The following MOCOS variants were observed in gnomAD, a reference collection of about 807,000 sequenced individuals.
MOCOS encodes the protein human molybdenum cofactor sulfurase.
A neutral mutation model predicts 83.6 loss-of-function variants in MOCOS; 86 were observed. That is an observed-to-expected ratio of 1.03 (90% CI 0.86 to 1.23). The LOEUF (loss-of-function observed/expected upper bound fraction) is 1.23. Among genes scored for constraint, MOCOS ranks in the 50% most tolerant of loss-of-function variants. MOCOS has a pLI of 0.00. For synonymous variants in MOCOS, 445 were observed against 434.7 expected, an observed-to-expected ratio of 1.02 and a Z score of -0.29; for missense variants, 1,120 against 1,126.9, an observed-to-expected ratio of 0.99 and a Z score of 0.09.
At chr18:36,204,776 TG>T (rs1193579838) in intron 5 of MOCOS, among the ~76,000 whole-genome samples, 4 of 152,064 alleles carry the variant, frequency 2.6e-5, no homozygotes, top group Admixed American at 1.3e-4. Flanking sequence ...GTGGATTACT[TG>T]AGCCCAGGAG....
At chr18:36,193,073 A>G (rs1298046494) in intron 1 of MOCOS, among the ~76,000 whole-genome samples, 1 of 151,586 alleles carries the variant, frequency 6.6e-6, no homozygotes, top group Non-Finnish European at 1.5e-5. Context: ...GCACTTTGGG[A>G]GGCTGAGGCG....
At chr18:36,188,213 T>G (rs2091350021) in intron 1 of MOCOS, among the ~76,000 whole-genome samples, 1 of 152,220 alleles carries the variant, frequency 6.6e-6, no homozygotes, top group Non-Finnish European at 1.5e-5. Context: ...TAGCCTGTAT[T>G]CAGCTTTGAT....
At chr18:36,256,092 A>G (rs2091640511) in intron 11 of MOCOS, among the ~76,000 whole-genome samples, 1 of 152,014 alleles carries the variant, frequency 6.6e-6, no homozygotes. Flanking sequence ...GGGTTTCTCC[A>G]TGTTGGTCAG....
intron 1 of MOCOS, chr18:36,190,194 G>C (rs2091359520): frequency 6.6e-6 from 1 of 152,208 alleles, no homozygotes; most frequent in South Asian, 2.1e-4. Flanking sequence ...TGATGCCTGG[G>C]TGAACAAAAG....
At chr18:36,220,276 T>A in intron 9 of MOCOS, 59 bp downstream of exon 9, 1 of 1,594,958 alleles carries the variant, frequency 6.3e-7, no homozygotes, top group Non-Finnish European at 8.6e-7. Flanking sequence ...TATATTCATA[T>A]GAAATACTCT....
intron 9 of MOCOS, among the ~76,000 whole-genome samples, chr18:36,244,494 T>C (rs2091595855): frequency 6.6e-6 from 1 of 152,160 alleles, no homozygotes; most frequent in Non-Finnish European, 1.5e-5. Flanking sequence ...GGGTACTTGA[T>C]CTAATTTCAA....
In MOCOS at chr18:36,269,005, C is replaced by G. The variant is rs1008972356; in HGVS notation, c.*320C>G. ...AAGTTCACTGGGAAGATTGAACTTA[C>G]TGCGGGTCCCTATTTTGCCATTTTC... On this transcript the variant is annotated 3_prime_UTR_variant, in exon 15 of 15. Coordinates refer to ENST00000261326, the MANE Select transcript of MOCOS (RefSeq NM_017947.4). The G allele has an allele frequency of 1.2e-5, 4 of 330,152 alleles. No homozygotes were observed. Among genetic ancestry groups the G allele is most frequent in the Non-Finnish European group, 2.3e-5 (4 of 177,654 alleles). 20.5% of individuals were successfully genotyped at this position (330,152 alleles called of 1,614,324 possible). A position where few individuals can be genotyped will look rare whatever the true frequency, so the allele number is the denominator to read the frequency against.
At chr18:36,268,209 T>C (rs2032771215) in intron 14 of MOCOS, among the ~76,000 whole-genome samples, 1 of 152,152 alleles carries the variant, frequency 6.6e-6, no homozygotes. Context: ...GAAATGGGCC[T>C]GATGGTGGTC....
chr18:36,244,567 C>T (rs2091596067), intron 9 of MOCOS, among the ~76,000 whole-genome samples: 1 of 152,118 alleles, frequency 6.6e-6, no homozygotes, highest in Non-Finnish European at 1.5e-5. Flanking sequence ...GAGAATATTA[C>T]ATGTGCCAGT....
chr18:36,258,154 TAGG>T (rs80231474), intron 12 of MOCOS, among the ~76,000 whole-genome samples: 12,685 of 152,068 alleles, frequency 0.083, 586 homozygotes, highest in Middle Eastern at 0.11. Flanking sequence ...TGTGGAAAGA[TAGG>T]AGGTGGGGAG....
chr18:36,242,174 T>C (rs968207367), intron 9 of MOCOS, among the ~76,000 whole-genome samples: 2 of 152,246 alleles, frequency 1.3e-5, no homozygotes, highest in African/African-American at 4.8e-5. Context: ...TCTTATGCTC[T>C]GCTACCCTCC....
intron 13 of MOCOS, among the ~76,000 whole-genome samples, chr18:36,261,319 T>C (rs73432658): frequency 0.017 from 2,642 of 152,186 alleles, 91 homozygotes; most frequent in African/African-American, 0.06. Flanking sequence ...GATTTTCAAA[T>C]TAGGAATGCT....
chr18:36,205,136 C>T lies in MOCOS; in HGVS notation c.1078C>T (p.Leu360=), dbSNP rs773048851. ...FTLAQYTYVA[L]SSLQYPNGAP... ...CTTGGCTCAGTATACCTACGTGGCC[C>T]TGTCCTCTCTCCAGTACCCCAATGG... Residue 360 remains leucine (L), a synonymous_variant, in exon 6 of 15, where the codon CTG becomes TTG. Coordinates refer to ENST00000261326, the MANE Select transcript of MOCOS (RefSeq NM_017947.4). 3 of 1,613,742 alleles carry T rather than the reference C, an allele frequency of 1.9e-6. No homozygotes were observed. The highest frequency in any genetic ancestry group is 2.5e-6 in the Non-Finnish European group (3 of 1,179,824).
chr18:36,200,423 G>A (rs2091408980), intron 4 of MOCOS, 99 bp downstream of exon 4: 2 of 1,464,208 alleles, frequency 1.4e-6, no homozygotes, highest in Admixed American at 4.0e-5. Context: ...TGGCTTTGAG[G>A]GTCAGCAGAA....
rs2091539776 is a variant in MOCOS, at chr18:36,232,087, C to A, written c.1960+11870C>A. Among the ~76,000 whole-genome samples the A allele has an allele frequency of 2.6e-5, 4 of 152,186 alleles. No individual in the cohort carries two copies. The South Asian group carries it at 8.3e-4, about 32-fold the overall frequency. ...GCTCAAGCCTCAAGCGATCCTGCTACCTCAGCCTCCGGAGTAGCTGGGACC... is the reference window on the plus strand; with the variant it reads ...GCTCAAGCCTCAAGCGATCCTGCTAACTCAGCCTCCGGAGTAGCTGGGACC... On this transcript the variant is annotated intron_variant, in intron 9 of 14. Transcript: ENST00000261326.
intron 8 of MOCOS, among the ~76,000 whole-genome samples, chr18:36,218,209 A>T (rs2091482085): frequency 6.6e-6 from 1 of 152,152 alleles, no homozygotes; most frequent in African/African-American, 2.4e-5. Flanking sequence ...AAAACAAGCA[A>T]AGTTAGAAAT....
intron 11 of MOCOS, among the ~76,000 whole-genome samples, chr18:36,256,426 C>T (rs1173209275): frequency 3.3e-5 from 5 of 152,108 alleles, no homozygotes; most frequent in African/African-American, 4.8e-5. Flanking sequence ...AATTTCATCT[C>T]AGCATTTTTC....
chr18:36,195,406 A>G (rs1275733636), intron 2 of MOCOS, 60 bp downstream of exon 2: 5 of 1,401,214 alleles, frequency 3.6e-6, no homozygotes, highest in Admixed American at 1.7e-5. Context: ...ATACCTGTGC[A>G]TGTTAAACGC....
intron 6 of MOCOS, among the ~76,000 whole-genome samples, chr18:36,208,720 G>T (rs1303127936): frequency 1.3e-5 from 2 of 152,178 alleles, no homozygotes; most frequent in Non-Finnish European, 2.9e-5. Flanking sequence ...TCCGGGTATA[G>T]AATCATGTTA....
Sources: allele counts gnomAD v4.1 joint callset (sites outside exome capture counted in the v4.1 genomes callset), GRCh38; gene constraint gnomAD v4.1.1; transcripts MANE v1.5; gene names NCBI Gene and HGNC (gene_info 2026-07-23, HGNC 2026-07-21).